The following COL4A6 variants were observed in gnomAD, a reference collection of about 807,000 sequenced individuals.
COL4A6 encodes collagen type IV alpha 6 chain.
A neutral mutation model predicts 126.7 loss-of-function variants in COL4A6; 59 were observed. The ratio of observed to expected loss-of-function variants is 0.47; its 90% CI spans 0.38 to 0.58. The LOEUF is 0.58. Among genes scored for constraint, COL4A6 ranks in the 20% least tolerant of loss-of-function variants. The pLI is 0.00. For synonymous variants in COL4A6, 547 were observed against 496.6 expected (o/e 1.10, Z -1.35); for missense variants, 1,285 against 1,337.3 (o/e 0.96, Z 0.61).
Position 108,159,582 on chromosome X carries a change from G to C in COL4A6, c.4692C>G (p.Ile1564Met). Reference protein sequence around the residue: ...PVSQTQIPQYISRCSVCEAPS... With the variant: ...PVSQTQIPQYMSRCSVCEAPS... ...GTGCCTCACACACAGAGCAGCGGCT[G>C]ATGTACTGGGGAATCTGGGTCTGGC... is the stretch of plus-strand genomic sequence containing the variant. Residue 1564 changes from isoleucine to methionine, a missense_variant, in exon 44 of 45, where the codon ATC (isoleucine) becomes ATG (methionine). Physicochemically the swap from Ile to Met is conservative, Grantham distance 10. Coordinates refer to ENST00000334504, the MANE Select transcript of COL4A6 (RefSeq NM_033641.4). 8.2e-7 allele frequency: 1 copy of C among 1,212,403 alleles called. No homozygotes were observed. The highest frequency in any genetic ancestry group is 1.1e-6 in the Non-Finnish European group (1 of 895,631).
Position 108,175,126 on chromosome X carries a change from C to A in COL4A6, c.2920G>T (p.Gly974Cys), listed in dbSNP as rs1157809270. 1 of 1,201,109 alleles carries A rather than the reference C, an allele frequency of 8.3e-7. No homozygotes were observed. Among genetic ancestry groups the A allele is most frequent in the Non-Finnish European group, 1.1e-6 (1 of 891,019 alleles). ...LWLKGDKGSQ[G>C]SAGSNGFPGP... is the part of the protein sequence containing the mutation. ...GGAAATCCATTGGATCCGGCTGAGC[C>A]TTGAGAGCCTTTGTCTCCTTTGAGC... The change falls in exon 30 of 45, where the codon GGC becomes TGC. Residue 974 changes from glycine to cysteine, a missense_variant. Gly to Cys is a radical substitution (Grantham distance 159, BLOSUM62 -3). Coordinates refer to ENST00000334504, the MANE Select transcript of COL4A6 (RefSeq NM_033641.4).
In COL4A6 at chrX:108,165,485, A is replaced by T; in HGVS notation, c.3693T>A (p.Gly1231=). ...CAGCAGGGCCCTGGAGACCTGGGAA[A>T]CCTGTAAAGAATAAATAAAAGGGGC... ...PGLRGQKGDR[G]FPGLQGPAGL... Residue 1231 remains glycine (G), a splice_region_variant and synonymous_variant, in exon 38 of 45, where the codon GGT becomes GGA. Transcript: ENST00000334504. 8.7e-7 allele frequency: 1 copy of T among 1,143,250 alleles called. No individual in the cohort carries two copies. Among genetic ancestry groups the T allele is most frequent in the Non-Finnish European group, 1.2e-6 (1 of 856,174 alleles). The allele number at this position is 1,143,250 out of a possible 1,213,427, so 94.2% of individuals were successfully genotyped here. A position where few individuals can be genotyped will look rare whatever the true frequency, so the allele number is the denominator to read the frequency against.
At chrX:108,267,971 T>C (rs2037354572) in intron 3 of COL4A6, 1 of 112,611 alleles carries the variant, frequency 8.9e-6, no homozygotes, top group Admixed American at 9.4e-5. Flanking sequence ...ATTACCTACT[T>C]GTAATAACGA....
intron 2 of COL4A6, among the ~76,000 whole-genome samples, chrX:108,426,674 T>C (rs1437651734): frequency 1.8e-5 from 2 of 112,203 alleles, no homozygotes; most frequent in Non-Finnish European, 3.8e-5. Flanking sequence ...AACTTTTTTT[T>C]CCTAAATTGT....
intron 2 of COL4A6, among the ~76,000 whole-genome samples, chrX:108,350,866 C>T (rs1485802148): frequency 9.0e-6 from 1 of 111,222 alleles, no homozygotes; most frequent in Non-Finnish European, 1.9e-5. Context: ...CGGGACAATG[C>T]GGGAAGGTGA....
At chrX:108,283,506 A>T (rs1307847229) in intron 3 of COL4A6, among the ~76,000 whole-genome samples, 1 of 111,526 alleles carries the variant, frequency 9.0e-6, no homozygotes, top group East Asian at 2.8e-4. Flanking sequence ...TGTCAGTTCA[A>T]ATAATGTTTG....
At chrX:108,424,819 G>A (rs1295970929) in intron 2 of COL4A6, among the ~76,000 whole-genome samples, 3 of 110,825 alleles carry the variant, frequency 2.7e-5, no homozygotes, top group African/African-American at 9.9e-5. Flanking sequence ...AGTTTGAGAC[G>A]AGCCTACAAA....
intron 3 of COL4A6, among the ~76,000 whole-genome samples, chrX:108,275,799 T>A (rs1485054376): frequency 8.8e-6 from 1 of 113,144 alleles, no homozygotes; most frequent in Non-Finnish European, 1.9e-5. Context: ...AAAGCACATA[T>A]GCCTTCAGGA....
chrX:108,305,651 G>C (rs1407472898), intron 3 of COL4A6, among the ~76,000 whole-genome samples: 1 of 111,721 alleles, frequency 9.0e-6, no homozygotes, highest in Non-Finnish European at 1.9e-5. Flanking sequence ...AATGGGTATG[G>C]AGAGAAGTGT....
chrX:108,439,305 T>A (rs775045814), upstream of COL4A6: 32 of 574,953 alleles, frequency 5.6e-5, no homozygotes, highest in Non-Finnish European at 7.8e-5. Context: ...TCCCAGATCT[T>A]ATACGTATAT....
intron 3 of COL4A6, among the ~76,000 whole-genome samples, chrX:108,283,602 C>T (rs758649512): frequency 8.3e-5 from 9 of 108,276 alleles, no homozygotes; most frequent in Admixed American, 3.0e-4. Flanking sequence ...GGGGGGTTGG[C>T]GGCGGGGATG....
chrX:108,283,474 C>T (rs926692707), intron 3 of COL4A6, among the ~76,000 whole-genome samples: 2 of 111,748 alleles, frequency 1.8e-5, no homozygotes, highest in Non-Finnish European at 3.8e-5. Flanking sequence ...TCTAAGTGTT[C>T]AGTAAGTACT....
intron 27 of COL4A6, 48 bp downstream of exon 27, chrX:108,178,636 G>A: frequency 1.7e-6 from 2 of 1,182,177 alleles, no homozygotes; most frequent in Non-Finnish European, 2.3e-6. Context: ...TGGGCCCAGG[G>A]CCTAGCTGAA....
chrX:108,380,019 C>T (rs5973828), intron 2 of COL4A6, among the ~76,000 whole-genome samples: 1,387 of 111,530 alleles, frequency 0.012, 6 homozygotes, highest in Middle Eastern at 0.032. Context: ...CAAGAATCTG[C>T]TAAATAATCC....
At position 108,438,362 on chromosome X, in the gene COL4A6, A is replaced by G. The variant is rs2064313320; in HGVS notation, c.-166T>C. On this transcript the variant is annotated 5_prime_UTR_variant, in exon 1 of 45. Transcript: ENST00000334504. ...AAACTAAACACTGCTTCTAGATAAG[A>G]AGTGCTCCAAAGGGAAACAGGCTCA... The G allele has an allele frequency of 1.9e-6, 2 of 1,069,611 alleles. No homozygotes were observed. Among genetic ancestry groups the G allele is most frequent in the Non-Finnish European group, 2.4e-6 (2 of 828,808 alleles). 88.1% of individuals were successfully genotyped at this position (1,069,611 alleles called of 1,213,427 possible).
chrX:108,292,953 G>GAAAA (rs1299619024), intron 3 of COL4A6, among the ~76,000 whole-genome samples: 1 of 13,272 alleles, frequency 7.5e-5, no homozygotes, highest in African/African-American at 2.1e-4. Flanking sequence ...CGTCTCTTAG[G>GAAAA]AAAAAAAAAA....
chrX:108,391,145 G>T (rs2040829153), intron 2 of COL4A6, among the ~76,000 whole-genome samples: 1 of 111,403 alleles, frequency 9.0e-6, no homozygotes, highest in African/African-American at 3.3e-5. Flanking sequence ...CTACTGGTAG[G>T]TGTCTCCCAG....
intron 23 of COL4A6, among the ~76,000 whole-genome samples, chrX:108,181,361 T>C (rs2034680571): frequency 1.8e-5 from 2 of 112,399 alleles, no homozygotes; most frequent in Admixed American, 9.4e-5. Flanking sequence ...TGGGGGTTAG[T>C]CCTAAGGGTC....
chrX:108,348,058 C>CA (rs1171388900), intron 2 of COL4A6, among the ~76,000 whole-genome samples: 2 of 111,409 alleles, frequency 1.8e-5, no homozygotes, highest in African/African-American at 6.5e-5. Flanking sequence ...GAGTCCCAAT[C>CA]AGTCACCATA....
Sources: allele counts gnomAD v4.1 joint callset (sites outside exome capture counted in the v4.1 genomes callset), GRCh38; gene constraint gnomAD v4.1.1; transcripts MANE v1.5; gene names NCBI Gene and HGNC (gene_info 2026-07-23, HGNC 2026-07-21).